Variants in CCSER1 observed in about 807,000 individuals in gnomAD.
CCSER1 encodes the protein serine-rich coiled-coil domain-containing protein 1.
In CCSER1, 41 loss-of-function variants were observed where a neutral mutation model predicts 82.0. That is an observed-to-expected ratio of 0.50 (90% CI 0.39 to 0.65). CCSER1 has a LOEUF of 0.65. CCSER1 is among the 30% of genes least tolerant of loss of function. CCSER1 has a pLI of 0.00. For synonymous variants in CCSER1, 414 were observed against 383.9 expected (o/e 1.08, Z -0.92); for missense variants, 1,119 against 1,064.2 (o/e 1.05, Z -0.72).
chr4:91,505,679 A>T (rs987035500), intron 10 of CCSER1, among the ~76,000 whole-genome samples: 1 of 152,144 alleles, frequency 6.6e-6, no homozygotes, highest in African/African-American at 2.4e-5. Flanking sequence ...TTTGATTTGC[A>T]GTTATCTAAT....
At chr4:90,522,446 G>A (rs147755289) in intron 5 of CCSER1, among the ~76,000 whole-genome samples, 1,797 of 152,186 alleles carry the variant, frequency 0.012, 20 homozygotes, top group Non-Finnish European at 0.018. Flanking sequence ...ACCTTTAGGA[G>A]TCCATGATCT....
Position 90,278,296 on chromosome 4 carries a change from C to T in CCSER1, c.-41-29948C>T, listed in dbSNP as rs552424199. ...ATTACTCAAAGTACTAAGTGTTGAA[C>T]TACCATTCAACCCAGCAATCCCATT... On this transcript the variant is annotated intron_variant, in intron 1 of 10. Transcript: ENST00000509176. 2.6e-5 allele frequency among the ~76,000 whole-genome samples: 4 copies of T among 152,198 alleles called. No individual in the cohort carries two copies. The South Asian group carries it at 8.3e-4, about 32-fold the overall frequency.
rs1764750186 is a variant in CCSER1 at position 91,600,010 on chromosome 4, C to G, written c.*953C>G. On this transcript the variant is annotated 3_prime_UTR_variant, in exon 11 of 11. Coordinates refer to ENST00000509176, the MANE Select transcript of CCSER1 (RefSeq NM_001145065.2). Reference sequence around the variant, plus strand: ...TCCAATTTTGGTTTATATACATCAACCCATATCTATAATTTTATGAACTGA... The same window carrying G: ...TCCAATTTTGGTTTATATACATCAAGCCATATCTATAATTTTATGAACTGA... The G allele has an allele frequency of 1.3e-5, 2 of 151,966 alleles. No homozygotes were observed. Among genetic ancestry groups the G allele is most frequent in the African/African-American group, 4.8e-5 (2 of 41,394 alleles). 9.4% of individuals were successfully genotyped at this position (151,966 alleles called of 1,614,324 possible). A position where few individuals can be genotyped will look rare whatever the true frequency, so the allele number is the denominator to read the frequency against.
At chr4:90,509,970 CTG>C (rs757478730) in intron 5 of CCSER1, among the ~76,000 whole-genome samples, 14 of 152,128 alleles carry the variant, frequency 9.2e-5, no homozygotes, top group Non-Finnish European at 1.0e-4. Flanking sequence ...GTGATTAAAT[CTG>C]TGTCTAAAAG....
intron 10 of CCSER1, among the ~76,000 whole-genome samples, chr4:91,160,166 A>G (rs1731236433): frequency 6.6e-6 from 1 of 151,336 alleles, no homozygotes; most frequent in Non-Finnish European, 1.5e-5. Flanking sequence ...TGTCGTTGTG[A>G]CAGTTTGCTC....
intron 4 of CCSER1, among the ~76,000 whole-genome samples, chr4:90,461,747 G>A (rs1485717176): frequency 6.6e-6 from 1 of 151,970 alleles, no homozygotes; most frequent in Non-Finnish European, 1.5e-5. Context: ...TTTGTGCCTG[G>A]CACTCTACTA....
intron 10 of CCSER1, among the ~76,000 whole-genome samples, chr4:91,409,382 G>A (rs1752892886): frequency 6.6e-6 from 1 of 152,100 alleles, no homozygotes. Context: ...GGTTATTAGT[G>A]AGATTTAATT....
chr4:91,261,915 T>A (rs1406977208), intron 10 of CCSER1, among the ~76,000 whole-genome samples: 2 of 152,188 alleles, frequency 1.3e-5, no homozygotes, highest in African/African-American at 4.8e-5. Context: ...TCCTGAGTAA[T>A]CTAGTAGTAA....
chr4:91,101,177 AAAT>A (rs1725022171), intron 10 of CCSER1, among the ~76,000 whole-genome samples: 2 of 152,230 alleles, frequency 1.3e-5, no homozygotes, highest in South Asian at 4.1e-4. Flanking sequence ...AAGCCACACA[AAAT>A]AATACTTACA....
At chr4:91,113,820 G>GT (rs1726296599) in intron 10 of CCSER1, among the ~76,000 whole-genome samples, 1 of 150,896 alleles carries the variant, frequency 6.6e-6, no homozygotes, top group Non-Finnish European at 1.5e-5. Flanking sequence ...AGTTATTTAT[G>GT]TTTTTTGCAA....
chr4:91,362,138 G>A (rs1468211241), intron 10 of CCSER1, among the ~76,000 whole-genome samples: 1 of 151,846 alleles, frequency 6.6e-6, no homozygotes. Flanking sequence ...TAAGGTCAGA[G>A]AGATAGAATG....
chr4:90,152,333 T>C (rs973496365), intron 1 of CCSER1, among the ~76,000 whole-genome samples: 4 of 152,172 alleles, frequency 2.6e-5, no homozygotes, highest in African/African-American at 4.8e-5. Flanking sequence ...TTGGTGTGTG[T>C]AGGTTAAAAA....
At chr4:90,242,336 A>C (rs907354817) in intron 1 of CCSER1, among the ~76,000 whole-genome samples, 1 of 152,204 alleles carries the variant, frequency 6.6e-6, no homozygotes, top group Admixed American at 6.5e-5. Context: ...AGAACAAAGC[A>C]TAAATGTAGT....
rs35283008 is a variant in CCSER1 at position 91,508,143 on chromosome 4, CTT to C, written c.2218-90416_2218-90415del. On this transcript the variant is annotated intron_variant, in intron 10 of 10. Coordinates refer to ENST00000509176, the MANE Select transcript of CCSER1 (RefSeq NM_001145065.2). The stretch of plus-strand genomic sequence containing the variant: ...GATAGAAGTGTCTAGGACAGAGATC[CTT>C]TTTTTTTTTTTTCTGGGTTTTTTTT... Among the ~76,000 whole-genome samples, 153 of 97,930 alleles carry C rather than the reference CTT, an allele frequency of 1.6e-3. 2 individuals carry two copies. The highest frequency in any genetic ancestry group is 4.5e-3 in the African/African-American group (116 of 25,928). The allele number at this position is 97,930 out of a possible 152,430, so 64.2% of individuals were successfully genotyped here.
intron 10 of CCSER1, among the ~76,000 whole-genome samples, chr4:91,243,404 C>A (rs1046580432): frequency 3.2e-4 from 48 of 152,016 alleles, no homozygotes; most frequent in African/African-American, 1.2e-3. Flanking sequence ...ACTGGGGTAG[C>A]ACTGACCTAG....
intron 10 of CCSER1, among the ~76,000 whole-genome samples, chr4:91,433,244 T>C (rs1399488800): frequency 3.9e-5 from 6 of 152,180 alleles, no homozygotes; most frequent in African/African-American, 1.4e-4. Flanking sequence ...AAACTATATA[T>C]TGTCTGTGGG....
At chr4:91,157,969 G>T (rs1333441627) in intron 10 of CCSER1, among the ~76,000 whole-genome samples, 6 of 152,000 alleles carry the variant, frequency 3.9e-5, no homozygotes, top group Admixed American at 3.3e-4. Flanking sequence ...CTAAATTACA[G>T]AGTAGGGGTT....
intron 5 of CCSER1, among the ~76,000 whole-genome samples, chr4:90,598,803 A>G (rs564184177): frequency 6.6e-6 from 1 of 152,124 alleles, no homozygotes; most frequent in South Asian, 2.1e-4. Flanking sequence ...TAGTCAGGGG[A>G]CAGGGTAGAC....
intron 7 of CCSER1, among the ~76,000 whole-genome samples, chr4:90,769,523 G>T (rs1751761175): frequency 6.6e-6 from 1 of 152,110 alleles, no homozygotes; most frequent in African/African-American, 2.4e-5. Flanking sequence ...TGCATAATTG[G>T]ACTTCAGAAT....
Sources: allele counts gnomAD v4.1 joint callset (sites outside exome capture counted in the v4.1 genomes callset), GRCh38; gene constraint gnomAD v4.1.1; transcripts MANE v1.5; gene names NCBI Gene and HGNC (gene_info 2026-07-23, HGNC 2026-07-21).